MYT1L: variants seen among roughly 807,000 people sequenced by gnomAD.
MYT1L encodes myelin transcription factor 1 like.
A neutral mutation model predicts 126.7 loss-of-function variants in MYT1L; 12 were observed. The observed-to-expected ratio is 0.09, with a 90% CI of 0.06 to 0.15. The LOEUF is 0.15. Ranked by LOEUF, MYT1L falls within the 10% of genes least tolerant of loss-of-function variation. The pLI is 1.00. For missense variants in MYT1L, 979 were observed against 1,585.2 expected, an observed-to-expected ratio of 0.62 and a Z score of 6.49; for synonymous variants, 541 against 604.2, an observed-to-expected ratio of 0.90 and a Z score of 1.53.
intron 3 of MYT1L, among the ~76,000 whole-genome samples, chr2:2,137,271 AATTTAT>A (rs2083202696): frequency 6.6e-6 from 1 of 152,224 alleles, no homozygotes; most frequent in Admixed American, 6.6e-5. Flanking sequence ...TGCCCAAGGT[AATTTAT>A]AGATTCAATG....
intron 4 of MYT1L, among the ~76,000 whole-genome samples, chr2:2,052,998 G>A (rs1047015508): frequency 2.0e-5 from 3 of 152,202 alleles, no homozygotes; most frequent in African/African-American, 7.2e-5. Context: ...AAGCTAATAG[G>A]AGCATAATTC....
intron 21 of MYT1L, among the ~76,000 whole-genome samples, chr2:1,828,885 C>G (rs989619827): frequency 6.6e-6 from 1 of 152,192 alleles, no homozygotes; most frequent in Non-Finnish European, 1.5e-5. Context: ...GGACGAGACT[C>G]TTAAGATATG....
chr2:1,791,758 T>C lies in MYT1L; in HGVS notation c.*109A>G, dbSNP rs2032130104. 21 of 1,110,880 alleles carry C rather than the reference T, an allele frequency of 1.9e-5. No individual in the cohort carries two copies. Among genetic ancestry groups the C allele is most frequent in the Non-Finnish European group, 2.6e-5 (21 of 798,032 alleles). 68.8% of individuals were successfully genotyped at this position (1,110,880 alleles called of 1,614,324 possible). ...TTATGAAGTCTTGTAAGCATAACAC[T>C]GTTTCAAATTCAAACAGAAATAAAT... On this transcript the variant is annotated 3_prime_UTR_variant, in exon 25 of 25. Transcript: ENST00000647738. The surrounding 1 kb of genome is among the most constrained non-coding windows in gnomAD (Gnocchi z 6.0).
At chr2:1,864,068 G>A (rs1329910202) in intron 18 of MYT1L, among the ~76,000 whole-genome samples, 1 of 152,204 alleles carries the variant, frequency 6.6e-6, no homozygotes, top group Non-Finnish European at 1.5e-5. Flanking sequence ...GGCTGCGGCT[G>A]CAGGTTTTCT....
intron 14 of MYT1L, among the ~76,000 whole-genome samples, chr2:1,893,060 G>A (rs867220668): frequency 6.6e-5 from 10 of 152,132 alleles, no homozygotes; most frequent in Admixed American, 1.3e-4. Flanking sequence ...TCATAGCCAC[G>A]GCCTCTCTGT....
intron 2 of MYT1L, among the ~76,000 whole-genome samples, chr2:2,195,781 A>C (rs2092771909): frequency 6.6e-6 from 1 of 152,218 alleles, no homozygotes; most frequent in South Asian, 2.1e-4. Context: ...GATGAGATTA[A>C]CAACAGAATA....
At chr2:2,115,733 C>A (rs559022342) in intron 3 of MYT1L, among the ~76,000 whole-genome samples, 1 of 152,198 alleles carries the variant, frequency 6.6e-6, no homozygotes, top group African/African-American at 2.4e-5. Context: ...AAGGCAAGGC[C>A]CCCGCGGGAG....
At chr2:2,005,973 G>T (rs1257411040) in intron 4 of MYT1L, among the ~76,000 whole-genome samples, 54 of 114,530 alleles carry the variant, frequency 4.7e-4, no homozygotes, top group Middle Eastern at 6.9e-3. Context: ...CTTTCCTGCA[G>T]GTGTTCTTTC....
intron 3 of MYT1L, among the ~76,000 whole-genome samples, chr2:2,084,752 T>A (rs969005278): frequency 2.6e-5 from 4 of 152,208 alleles, no homozygotes; most frequent in Admixed American, 2.6e-4. Flanking sequence ...CTAAATGAGT[T>A]ATTTTAGGCA....
chr2:1,952,126 C>T (rs373349110), intron 8 of MYT1L, among the ~76,000 whole-genome samples: 19 of 152,224 alleles, frequency 1.2e-4, no homozygotes, highest in South Asian at 6.2e-4. Context: ...TTGACAGACA[C>T]GTTCTATACA....
intron 1 of MYT1L, among the ~76,000 whole-genome samples, chr2:2,298,155 C>G (rs559822482): frequency 6.6e-6 from 1 of 152,294 alleles, no homozygotes. Context: ...GAAATAAACA[C>G]AGAAACACTT....
intron 2 of MYT1L, among the ~76,000 whole-genome samples, chr2:2,185,870 C>G (rs1380545683): frequency 7.8e-6 from 1 of 127,436 alleles, no homozygotes; most frequent in Non-Finnish European, 1.6e-5. Flanking sequence ...CAGACGCCCG[C>G]GTTCCTTACG....
rs1343693390 is a variant in MYT1L at position 2,041,967 on chromosome 2, C to CA, written c.-158+12010dup. Among the ~76,000 whole-genome samples the CA allele has an allele frequency of 8.5e-5, 13 of 152,104 alleles. No homozygotes were observed. In the East Asian group the frequency reaches 1.5e-3, roughly 18 times the overall value. On this transcript the variant is annotated intron_variant, in intron 4 of 24. Transcript: ENST00000647738. Reference sequence around the variant, plus strand: ...CTCTCCACACCCCTAGCTCTTTTACCAAAAAAATCATCTTTAAGCTAATCT... The same window carrying CA: ...CTCTCCACACCCCTAGCTCTTTTACCAAAAAAAATCATCTTTAAGCTAATCT...
chr2:2,229,671 G>A (rs944802793), intron 2 of MYT1L, among the ~76,000 whole-genome samples: 9 of 151,744 alleles, frequency 5.9e-5, no homozygotes, highest in African/African-American at 1.2e-4. Context: ...GGGCTCCAGC[G>A]TGCACCCACT....
At chr2:1,849,479 C>T (rs2042938516) in intron 19 of MYT1L, among the ~76,000 whole-genome samples, 1 of 152,204 alleles carries the variant, frequency 6.6e-6, no homozygotes, top group African/African-American at 2.4e-5. Context: ...GTCATAAGCC[C>T]TCTGCTGCCC....
At chr2:2,269,379 C>T (rs893367038) in intron 2 of MYT1L, among the ~76,000 whole-genome samples, 3 of 152,136 alleles carry the variant, frequency 2.0e-5, no homozygotes, top group South Asian at 2.1e-4. Context: ...TGAGCAGCAC[C>T]GCAATAGCAT....
intron 2 of MYT1L, among the ~76,000 whole-genome samples, chr2:2,203,482 C>A (rs1169231655): frequency 6.6e-6 from 1 of 151,370 alleles, no homozygotes; most frequent in Non-Finnish European, 1.5e-5. Flanking sequence ...ACAAACAGAG[C>A]CAAATCATGA....
intron 4 of MYT1L, among the ~76,000 whole-genome samples, chr2:2,029,507 A>C (rs1427504862): frequency 1.3e-5 from 2 of 151,976 alleles, no homozygotes; most frequent in Non-Finnish European, 2.9e-5. Flanking sequence ...GGGGGAAACC[A>C]CTCCCATGAT....
At chr2:2,003,622 T>C (rs2062638172) in intron 4 of MYT1L, among the ~76,000 whole-genome samples, 1 of 152,150 alleles carries the variant, frequency 6.6e-6, no homozygotes. Context: ...CTCTATGTCT[T>C]TGTGAGATGT....
Sources: allele counts gnomAD v4.1 joint callset (sites outside exome capture counted in the v4.1 genomes callset), GRCh38; gene constraint gnomAD v4.1.1; non-coding constraint Gnocchi (gnomAD v3.1); transcripts MANE v1.5; gene names NCBI Gene and HGNC (gene_info 2026-07-23, HGNC 2026-07-21).